Variants in PPARGC1B observed in about 807,000 individuals in gnomAD.
PPARGC1B encodes the protein PPARG coactivator 1 beta.
A neutral mutation model predicts 101.6 loss-of-function variants in PPARGC1B; 34 were observed. The observed-to-expected ratio is 0.33, with a 90% CI of 0.25 to 0.45. The LOEUF is 0.45. PPARGC1B is among the 20% of genes least tolerant of loss of function. The probability of loss-of-function intolerance (pLI) is 1.00; values close to 1 mark genes in which losing one functional copy is unlikely to be tolerated. For missense variants in PPARGC1B, 1,234 were observed against 1,317.6 expected (o/e 0.94, Z 0.98); for synonymous variants, 548 against 539.3 (o/e 1.02, Z -0.22).
At chr5:149,821,073 C>CA (rs1331118353) in intron 2 of PPARGC1B, among the ~76,000 whole-genome samples, 1 of 152,210 alleles carries the variant, frequency 6.6e-6, no homozygotes, top group African/African-American at 2.4e-5. Context: ...TTCTTGCCTC[C>CA]AGAGCCGGGA....
chr5:149,826,588 G>T (rs1758531133), intron 2 of PPARGC1B, 85 bp from the exon 3 acceptor site: 1 of 1,066,956 alleles, frequency 9.4e-7, no homozygotes, highest in Admixed American at 1.8e-5. Flanking sequence ...GGCAGAGCTG[G>T]TGTCCACCGT....
rs58159275 is a variant in PPARGC1B at position 149,777,922 on chromosome 5, T to TCACA, written c.79-42472_79-42469dup. Reference sequence around the variant, plus strand: ...CCCGGCTGCTCATATCCATGTAGCATCACACACACACACACACACACACAC... The same window carrying TCACA: ...CCCGGCTGCTCATATCCATGTAGCATCACACACACACACACACACACACACACAC... On this transcript the variant is annotated intron_variant, in intron 1 of 11. Transcript: ENST00000309241. Among the ~76,000 whole-genome samples the TCACA allele has an allele frequency of 1.0e-3, 12 of 11,610 alleles. 3 individuals are homozygous for TCACA. The highest frequency in any genetic ancestry group is 1.3e-3 in the Non-Finnish European group (10 of 7,650). 7.6% of individuals were successfully genotyped at this position (11,610 alleles called of 152,430 possible). A position where few individuals can be genotyped will look rare whatever the true frequency, so the allele number is the denominator to read the frequency against.
downstream of PPARGC1B, among the ~76,000 whole-genome samples, chr5:149,855,206 T>G (rs1181066244): frequency 6.6e-6 from 1 of 152,094 alleles, no homozygotes; most frequent in Non-Finnish European, 1.5e-5. Flanking sequence ...GTTCATAATA[T>G]CCATTCGTGC....
At chr5:149,758,042 C>G (rs114275343) in intron 1 of PPARGC1B, among the ~76,000 whole-genome samples, 1,597 of 152,360 alleles carry the variant, frequency 0.01, 14 homozygotes, top group South Asian at 0.031. Context: ...TCCCTCTTGC[C>G]CTTATTCCAT....
intron 1 of PPARGC1B, among the ~76,000 whole-genome samples, chr5:149,794,527 C>A (rs372564183): frequency 2.9e-5 from 1 of 33,994 alleles, no homozygotes; most frequent in Non-Finnish European, 6.5e-5. Context: ...TGAGCGTGCA[C>A]ACACACACAC....
At chr5:149,754,224 G>A (rs541914267) in intron 1 of PPARGC1B, among the ~76,000 whole-genome samples, 3 of 152,234 alleles carry the variant, frequency 2.0e-5, no homozygotes, top group South Asian at 4.1e-4. Flanking sequence ...CTGTGAACTC[G>A]TATCAGTTGT....
intron 1 of PPARGC1B, among the ~76,000 whole-genome samples, chr5:149,736,462 A>G (rs1044830337): frequency 7.2e-5 from 11 of 152,080 alleles, no homozygotes; most frequent in African/African-American, 2.7e-4. Flanking sequence ...GATCAGGGTC[A>G]GTTTCTATCT....
chr5:149,734,412 TC>T (rs1282185508), intron 1 of PPARGC1B, among the ~76,000 whole-genome samples: 3 of 151,592 alleles, frequency 2.0e-5, no homozygotes, highest in Admixed American at 6.6e-5. Flanking sequence ...TTTTTTTTTT[TC>T]CTCTTCCAAA....
At chr5:149,786,647 C>A (rs1476831920) in intron 1 of PPARGC1B, among the ~76,000 whole-genome samples, 1 of 152,210 alleles carries the variant, frequency 6.6e-6, no homozygotes, top group East Asian at 1.9e-4. Flanking sequence ...GGTGGGCTGT[C>A]TAACCCCCAC....
intron 1 of PPARGC1B, among the ~76,000 whole-genome samples, chr5:149,743,413 C>T (rs1754980629): frequency 6.6e-6 from 1 of 152,060 alleles, no homozygotes; most frequent in African/African-American, 2.4e-5. Context: ...CTTTGGCCTC[C>T]CAAAGTGCTG....
intron 7 of PPARGC1B, 83 bp downstream of exon 7, chr5:149,835,448 T>G (rs528287433): frequency 8.1e-7 from 1 of 1,236,460 alleles, no homozygotes; most frequent in Admixed American, 1.8e-5. Context: ...ATGGGCAAGG[T>G]GCCACGCAAT....
intron 1 of PPARGC1B, among the ~76,000 whole-genome samples, chr5:149,802,639 C>T (rs1757467188): frequency 6.6e-6 from 1 of 151,016 alleles, no homozygotes. Context: ...TCACACAGAG[C>T]CCTCATGACA....
At chr5:149,786,055 T>G (rs1366347797) in intron 1 of PPARGC1B, among the ~76,000 whole-genome samples, 1 of 152,042 alleles carries the variant, frequency 6.6e-6, no homozygotes, top group Non-Finnish European at 1.5e-5. Flanking sequence ...CCCCAGTAGC[T>G]GGGATTACAG....
intron 11 of PPARGC1B, 183 bp downstream of exon 11, chr5:149,846,097 T>G: frequency 1.5e-6 from 1 of 681,224 alleles, no homozygotes; most frequent in Non-Finnish European, 2.6e-6. Flanking sequence ...GTTTCTCTTC[T>G]GGCCTCTGGT....
At chr5:149,784,460 A>G (rs1756711403) in intron 1 of PPARGC1B, among the ~76,000 whole-genome samples, 1 of 146,840 alleles carries the variant, frequency 6.8e-6, no homozygotes, top group African/African-American at 2.5e-5. Flanking sequence ...GGCAGAGGCC[A>G]CCCTTACCAT....
intron 1 of PPARGC1B, among the ~76,000 whole-genome samples, chr5:149,775,077 A>G (rs972205961): frequency 2.0e-5 from 3 of 152,050 alleles, no homozygotes; most frequent in Non-Finnish European, 4.4e-5. Context: ...GTTCATTGGC[A>G]GCTGAGGGTT....
At chr5:149,798,958 G>T (rs2113283105) in intron 1 of PPARGC1B, among the ~76,000 whole-genome samples, 1 of 152,232 alleles carries the variant, frequency 6.6e-6, no homozygotes, top group African/African-American at 2.4e-5. Context: ...GCAGGGGCTG[G>T]GTGCTGAGGA....
intron 1 of PPARGC1B, among the ~76,000 whole-genome samples, chr5:149,775,595 T>G (rs983568951): frequency 1.3e-5 from 2 of 152,186 alleles, no homozygotes; most frequent in Non-Finnish European, 2.9e-5. Flanking sequence ...AGGCTTCAGG[T>G]AGTCCTCCCA....
At chr5:149,761,789 T>C (rs1374926639) in intron 1 of PPARGC1B, among the ~76,000 whole-genome samples, 1 of 152,176 alleles carries the variant, frequency 6.6e-6, no homozygotes, top group East Asian at 1.9e-4. Context: ...ACTTATTAAC[T>C]TGACAGGCAA....
Sources: allele counts gnomAD v4.1 joint callset (sites outside exome capture counted in the v4.1 genomes callset), GRCh38; gene constraint gnomAD v4.1.1; transcripts MANE v1.5; gene names NCBI Gene and HGNC (gene_info 2026-07-23, HGNC 2026-07-21).